Variants in TSHZ2 observed in about 807,000 individuals in gnomAD.
TSHZ2 encodes the protein teashirt homolog 2.
Under a neutral mutation model 74.4 loss-of-function variants are expected in TSHZ2, and 21 were observed. The observed-to-expected ratio is 0.28, with a 90% CI of 0.20 to 0.41. The LOEUF is 0.41. Ranked by LOEUF, TSHZ2 falls within the 10% of genes least tolerant of loss-of-function variation. TSHZ2 has a pLI of 1.00. For synonymous variants in TSHZ2, 540 were observed against 515.3 expected, an observed-to-expected ratio of 1.05 and a Z score of -0.65; for missense variants, 1,244 against 1,293.5, an observed-to-expected ratio of 0.96 and a Z score of 0.59.
At chr20:53,270,595 T>G (rs968867942) in intron 2 of TSHZ2, among the ~76,000 whole-genome samples, 2 of 152,276 alleles carry the variant, frequency 1.3e-5, no homozygotes, top group African/African-American at 4.8e-5. Flanking sequence ...GGTGAAATTC[T>G]GTGCATAGTA....
chr20:53,021,022 G>A (rs1241850814), intron 1 of TSHZ2, among the ~76,000 whole-genome samples: 1 of 143,106 alleles, frequency 7.0e-6, no homozygotes, highest in African/African-American at 2.6e-5. Flanking sequence ...AAAGCACTTA[G>A]CATAGGTCTG....
chr20:53,320,905 G>GTCA (rs1979233543), intron 2 of TSHZ2, among the ~76,000 whole-genome samples: 1 of 152,130 alleles, frequency 6.6e-6, no homozygotes, highest in South Asian at 2.1e-4. Flanking sequence ...CCAGTTTAGG[G>GTCA]TCATCATCAT....
At chr20:53,205,566 T>C (rs1384842524) in intron 1 of TSHZ2, among the ~76,000 whole-genome samples, 2 of 152,192 alleles carry the variant, frequency 1.3e-5, no homozygotes, top group African/African-American at 4.8e-5. Flanking sequence ...CTTTTGTGAA[T>C]ATGCAGCCGC....
intron 1 of TSHZ2, among the ~76,000 whole-genome samples, chr20:53,138,251 G>T (rs1204540206): frequency 1.4e-4 from 21 of 152,104 alleles, no homozygotes; most frequent in African/African-American, 5.1e-4. Context: ...GGGCGTGGTG[G>T]TGGGCGCCTG....
chr20:53,344,610 T>C (rs1169161939), intron 2 of TSHZ2, among the ~76,000 whole-genome samples: 1 of 152,140 alleles, frequency 6.6e-6, no homozygotes, highest in African/African-American at 2.4e-5. Flanking sequence ...ATTCACAAAA[T>C]AGTGCCCTAG....
chr20:53,370,437 G>T (rs140673850), intron 2 of TSHZ2, among the ~76,000 whole-genome samples: 1 of 152,112 alleles, frequency 6.6e-6, no homozygotes, highest in Admixed American at 6.6e-5. Flanking sequence ...AAATCTCTCC[G>T]TTCATAAATA....
In TSHZ2 at chr20:53,358,466, C is replaced by G. The variant is rs1245772564; in HGVS notation, c.*8+101895C>G. On this transcript the variant is annotated intron_variant, in intron 2 of 2. Transcript: ENST00000371497. ...AGCAGTTCTCGTGCCTCAGCCTCCC[C>G]AGTACCTGGGACTACAGGCGTGCAC... Among the ~76,000 whole-genome samples the G allele has an allele frequency of 4.0e-5, 6 of 151,682 alleles. No homozygotes were observed. The East Asian group carries it at 1.2e-3, about 29-fold the overall frequency.
intron 2 of TSHZ2, among the ~76,000 whole-genome samples, chr20:53,356,144 T>C (rs189727198): frequency 1.3e-5 from 2 of 152,352 alleles, no homozygotes; most frequent in Non-Finnish European, 2.9e-5. Context: ...CTATGATGTA[T>C]ACTTGACAAC....
chr20:53,122,280 C>A (rs1482463004), intron 1 of TSHZ2, among the ~76,000 whole-genome samples: 2 of 140,078 alleles, frequency 1.4e-5, no homozygotes, highest in Non-Finnish European at 1.6e-5. Context: ...AGAGTGAGAC[C>A]CCATCTACAA....
chr20:53,086,605 C>A (rs1471618598), intron 1 of TSHZ2, among the ~76,000 whole-genome samples: 1 of 152,170 alleles, frequency 6.6e-6, no homozygotes, highest in Non-Finnish European at 1.5e-5. Flanking sequence ...ATAACAACCT[C>A]TCCCTGGTGG....
chr20:53,368,837 T>A (rs1470680468), intron 2 of TSHZ2, among the ~76,000 whole-genome samples: 3 of 152,216 alleles, frequency 2.0e-5, no homozygotes, highest in African/African-American at 7.2e-5. Flanking sequence ...CTTCTAGGCA[T>A]TGATGAAAAC....
chr20:53,244,886 C>A (rs1990165026), intron 1 of TSHZ2, among the ~76,000 whole-genome samples: 1 of 152,174 alleles, frequency 6.6e-6, no homozygotes, highest in South Asian at 2.1e-4. Flanking sequence ...ATAACAAACC[C>A]CAAACTGGAG....
chr20:53,150,322 A>G (rs1174345804), intron 1 of TSHZ2, among the ~76,000 whole-genome samples: 1 of 152,220 alleles, frequency 6.6e-6, no homozygotes, highest in East Asian at 1.9e-4. Flanking sequence ...AAATCTAACC[A>G]TGCTGATTTA....
intron 1 of TSHZ2, among the ~76,000 whole-genome samples, chr20:53,083,217 C>T (rs4811418): frequency 0.079 from 12,049 of 152,248 alleles, 1,129 homozygotes; most frequent in African/African-American, 0.23. Context: ...TCTGTGCAAT[C>T]GTCCAACCAA....
intron 1 of TSHZ2, among the ~76,000 whole-genome samples, chr20:53,055,383 C>T (rs1367118103): frequency 6.6e-6 from 1 of 152,120 alleles, no homozygotes; most frequent in Non-Finnish European, 1.5e-5. Flanking sequence ...CTCACTGTGC[C>T]AGGATTTTGA....
chr20:53,099,516 T>C (rs991833208), intron 1 of TSHZ2, among the ~76,000 whole-genome samples: 1 of 152,240 alleles, frequency 6.6e-6, no homozygotes, highest in Non-Finnish European at 1.5e-5. Context: ...TGCACATTTT[T>C]GTTTACTTAT....
chr20:53,088,883 G>A (rs2123253923), intron 1 of TSHZ2, among the ~76,000 whole-genome samples: 1 of 152,250 alleles, frequency 6.6e-6, no homozygotes, highest in South Asian at 2.1e-4. Flanking sequence ...TTTGTGAAAT[G>A]TTGCTATTCA....
intron 1 of TSHZ2, among the ~76,000 whole-genome samples, chr20:53,228,931 G>T (rs373955394): frequency 6.6e-5 from 10 of 152,266 alleles, no homozygotes; most frequent in Admixed American, 6.5e-5. Flanking sequence ...CTCAACAGGC[G>T]GGATGACCTT....
intron 2 of TSHZ2, among the ~76,000 whole-genome samples, chr20:53,463,435 G>GAGGGAAGGAAGA: frequency 8.7e-6 from 1 of 114,314 alleles, no homozygotes; most frequent in South Asian, 3.4e-4. Flanking sequence ...AGGAAGGAAG[G>GAGGGAAGGAAGA]AGGGAGGGAG....
Sources: allele counts gnomAD v4.1 joint callset (sites outside exome capture counted in the v4.1 genomes callset), GRCh38; gene constraint gnomAD v4.1.1; transcripts MANE v1.5; gene names NCBI Gene and HGNC (gene_info 2026-07-23, HGNC 2026-07-21).